Variants in VPS13C observed in about 807,000 individuals in gnomAD.
VPS13C encodes vacuolar protein sorting 13 homolog C.
In VPS13C, 358 loss-of-function variants were observed where a neutral mutation model predicts 456.8. The observed-to-expected ratio is 0.78, with a 90% CI of 0.72 to 0.86. VPS13C has a LOEUF of 0.86. VPS13C is among the 40% of genes least tolerant of loss of function. The pLI is 0.00. For missense variants in VPS13C, 4,818 were observed against 4,385.4 expected (o/e 1.10, Z -2.79); for synonymous variants, 1,578 against 1,486.7 (o/e 1.06, Z -1.41).
intron 1 of VPS13C, among the ~76,000 whole-genome samples, chr15:62,050,217 C>T (rs1317014166): frequency 6.6e-6 from 1 of 152,136 alleles, no homozygotes; most frequent in Non-Finnish European, 1.5e-5. Flanking sequence ...TTAACTCTGC[C>T]AGCAAGGAAA....
At chr15:61,876,316 G>C (rs1228658000) in intron 75 of VPS13C, among the ~76,000 whole-genome samples, 1 of 151,852 alleles carries the variant, frequency 6.6e-6, no homozygotes, top group African/African-American at 2.4e-5. Flanking sequence ...GTCCTTGCAT[G>C]GGTGAGTATG....
intron 66 of VPS13C, 109 bp downstream of exon 66, chr15:61,907,155 C>G (rs769813653): frequency 1.9e-6 from 3 of 1,538,954 alleles, no homozygotes; most frequent in Middle Eastern, 3.4e-4. Flanking sequence ...TCTGGAAATA[C>G]TTCCAATTCA....
intron 3 of VPS13C, among the ~76,000 whole-genome samples, chr15:62,040,641 G>A (rs774883121): frequency 6.6e-6 from 1 of 151,860 alleles, no homozygotes; most frequent in Non-Finnish European, 1.5e-5. Context: ...CACTGGAAAC[G>A]CAATCCCCAC....
intron 2 of VPS13C, among the ~76,000 whole-genome samples, chr15:62,043,727 G>A (rs2048312612): frequency 6.6e-6 from 1 of 152,168 alleles, no homozygotes; most frequent in African/African-American, 2.4e-5. Flanking sequence ...AAACCTAATT[G>A]GGGGATGGAG....
In VPS13C at chr15:61,950,965, G is replaced by T. The variant is rs1259918107; in HGVS notation, c.4516C>A (p.Leu1506Met). The change falls in exon 40 of 85, where the codon CTG becomes ATG. Residue 1506 changes from leucine to methionine, a missense_variant. Leu to Met is a conservative substitution (Grantham distance 15). Coordinates refer to ENST00000644861, the MANE Select transcript of VPS13C (RefSeq NM_020821.3). ...GTTACCTTTGTCAGTAACATTTTCAGAAGGGGTTCGTCAGTCACATTAGAA... is the reference window on the plus strand; with the variant it reads ...GTTACCTTTGTCAGTAACATTTTCATAAGGGGTTCGTCAGTCACATTAGAA... ...NSSNVTDEPLLKMLLTKADSD... is the reference protein window; with the variant it reads ...NSSNVTDEPLMKMLLTKADSD... The T allele has an allele frequency of 3.7e-6, 6 of 1,602,352 alleles. No homozygotes were observed. The highest frequency in any genetic ancestry group is 1.7e-5 in the Admixed American group (1 of 58,586).
chr15:61,863,606 A>G, intron 81 of VPS13C, 78 bp from the exon 82 acceptor site: 12 of 874,618 alleles, frequency 1.4e-5, no homozygotes, highest in Non-Finnish European at 2.2e-5. Context: ...TTAGCTAATT[A>G]TAATAATAGT....
intron 1 of VPS13C, among the ~76,000 whole-genome samples, chr15:62,047,682 T>C (rs1437254116): frequency 6.6e-6 from 1 of 152,148 alleles, no homozygotes; most frequent in Admixed American, 6.5e-5. Flanking sequence ...AGTGCATTCA[T>C]TCATTCAAGC....
intron 64 of VPS13C, 110 bp downstream of exon 64, chr15:61,910,067 G>T (rs2043260019): frequency 1.9e-6 from 1 of 517,748 alleles, no homozygotes; most frequent in Non-Finnish European, 2.5e-6. Context: ...CATGGCACAT[G>T]TATACATATG....
chr15:61,866,435 A>G, intron 81 of VPS13C: 1 of 984,334 alleles, frequency 1.0e-6, no homozygotes, highest in Non-Finnish European at 1.2e-6. Context: ...CAAAACAATT[A>G]AGAAAAAATC....
At chr15:61,930,852 TTC>T (rs2044030812) in intron 50 of VPS13C, among the ~76,000 whole-genome samples, 1 of 152,238 alleles carries the variant, frequency 6.6e-6, no homozygotes, top group Non-Finnish European at 1.5e-5. Flanking sequence ...AAAACTCATT[TTC>T]TCTTAGTTCC....
At chr15:61,894,697 A>T (rs2042753635) in intron 66 of VPS13C, among the ~76,000 whole-genome samples, 1 of 152,220 alleles carries the variant, frequency 6.6e-6, no homozygotes, top group African/African-American at 2.4e-5. Flanking sequence ...TAACAGTTGT[A>T]AATATATGTA....
intron 58 of VPS13C, among the ~76,000 whole-genome samples, 168 bp downstream of exon 58, chr15:61,919,121 C>G (rs1008018529): frequency 3.3e-5 from 5 of 152,056 alleles, no homozygotes; most frequent in African/African-American, 1.2e-4. Context: ...GCAAGCTGGA[C>G]AGTAAATAGA....
In VPS13C at chr15:61,858,859, T is replaced by C. The variant is rs944127953; in HGVS notation, c.10953-2450A>G. ...GCTTGGAAGTGGATTCTGTGGTAATTTGTTGTGCAGCAATACAAAATGTAT... is the reference window on the plus strand; with the variant it reads ...GCTTGGAAGTGGATTCTGTGGTAATCTGTTGTGCAGCAATACAAAATGTAT... On this transcript the variant is annotated intron_variant, in intron 82 of 84. Transcript: ENST00000644861. The surrounding 1 kb of genome is among the most constrained non-coding windows in gnomAD (Gnocchi z 4.4). Among the ~76,000 whole-genome samples the C allele has an allele frequency of 6.6e-6, 1 of 152,134 alleles. No individual in the cohort carries two copies. Among genetic ancestry groups the C allele is most frequent in the Admixed American group, 6.5e-5 (1 of 15,272 alleles).
chr15:62,041,432 G>GGGT, intron 2 of VPS13C, 66 bp from the exon 3 acceptor site: 1 of 1,478,366 alleles, frequency 6.8e-7, no homozygotes, highest in Non-Finnish European at 9.2e-7. Context: ...AATCACTTTT[G>GGGT]TGTGATCATT....
At chr15:62,009,968 A>G (rs1391941025) in intron 13 of VPS13C, among the ~76,000 whole-genome samples, 2 of 152,128 alleles carry the variant, frequency 1.3e-5, no homozygotes, top group Non-Finnish European at 2.9e-5. Flanking sequence ...CGGGCAGATC[A>G]TGAGGTCAGG....
At chr15:62,026,122 T>C (rs28538090) in intron 6 of VPS13C, among the ~76,000 whole-genome samples, 110 of 149,332 alleles carry the variant, frequency 7.4e-4, no homozygotes, top group African/African-American at 2.5e-3. Flanking sequence ...ACTATAGATA[T>C]ATAATTAGAA....
chr15:61,987,391 A>G (rs555335439), intron 18 of VPS13C, among the ~76,000 whole-genome samples: 15 of 152,320 alleles, frequency 9.8e-5, no homozygotes, highest in South Asian at 4.2e-4. Flanking sequence ...AGGCCTCACA[A>G]TCATGGCAGA....
chr15:61,922,503 C>T lies in VPS13C; in HGVS notation c.6869G>A (p.Gly2290Asp). 2 of 1,614,044 alleles carry T rather than the reference C, an allele frequency of 1.2e-6. No individual in the cohort carries two copies. Among genetic ancestry groups the T allele is most frequent in the South Asian group, 1.1e-5 (1 of 91,070 alleles). ...TAAAGGTACAGTTCGATGTCCAAGG[C>T]CACATTCTAAGGTAACTTGAATGGA... ...VESIQVTLEC[G>D]LGHRTVPLLL... Residue 2290 changes from glycine (G) to aspartate (D), a missense_variant, in exon 54 of 85, where the codon GGC becomes GAC. Gly to Asp is a moderately conservative substitution (Grantham distance 94, BLOSUM62 -1). This residue lies in a region of VPS13C where 4,552 missense variants were observed against 4,130.6 expected (regional missense o/e 1.10). Coordinates refer to ENST00000644861, the MANE Select transcript of VPS13C (RefSeq NM_020821.3).
rs199889843 is a variant in VPS13C at position 61,944,582 on chromosome 15, C to G, written c.5148+1133G>C. Reference sequence around the variant, plus strand: ...TTCACTTATAAATGGGAGCTAAACACTGGGTATTTCATGGATGTAACATTG... The same window carrying G: ...TTCACTTATAAATGGGAGCTAAACAGTGGGTATTTCATGGATGTAACATTG... On this transcript the variant is annotated intron_variant, in intron 45 of 84. Coordinates refer to ENST00000644861, the MANE Select transcript of VPS13C (RefSeq NM_020821.3). Among the ~76,000 whole-genome samples the G allele has an allele frequency of 5.3e-5, 8 of 152,090 alleles. No individual in the cohort carries two copies. The East Asian group carries it at 1.5e-3, about 29-fold the overall frequency.
Sources: allele counts gnomAD v4.1 joint callset (sites outside exome capture counted in the v4.1 genomes callset), GRCh38; gene constraint gnomAD v4.1.1; regional missense constraint gnomAD v4.1.1; non-coding constraint Gnocchi (gnomAD v3.1); transcripts MANE v1.5; gene names NCBI Gene and HGNC (gene_info 2026-07-23, HGNC 2026-07-21).